Variants in TGM3 observed in about 807,000 individuals in gnomAD.
TGM3 encodes transglutaminase 3, also known as protein-glutamine gamma-glutamyltransferase E.
Under a neutral mutation model 73.8 loss-of-function variants are expected in TGM3, and 52 were observed. The ratio of observed to expected loss-of-function variants is 0.70; its 90% CI spans 0.56 to 0.89. The LOEUF (loss-of-function observed/expected upper bound fraction) is 0.89. Ranked by LOEUF, TGM3 falls within the 40% of genes least tolerant of loss-of-function variation. The pLI, the probability that TGM3 is intolerant of heterozygous loss-of-function variation, is 0.00. For synonymous variants in TGM3, 372 were observed against 354.9 expected (o/e 1.05, Z -0.54); for missense variants, 928 against 909.9 (o/e 1.02, Z -0.26).
In TGM3 at chr20:2,318,521, G is replaced by T. The variant is rs117682013; in HGVS notation, c.983+1036G>T. Among the ~76,000 whole-genome samples, 272 of 152,108 alleles carry T rather than the reference G, an allele frequency of 1.8e-3. 9 individuals carry two copies. In the East Asian group the frequency reaches 0.05, roughly 28 times the overall value. ...ATAGACATTGTTACAACTGTTTAAG[G>T]TTATATCATATACCAAGTTATTACC... On this transcript the variant is annotated intron_variant, in intron 7 of 12. Coordinates refer to ENST00000381458, the MANE Select transcript of TGM3 (RefSeq NM_003245.4).
rs45606631 is a variant in TGM3 at position 2,331,916 on chromosome 20, T to C, written c.1334-86T>C. 4.7e-6 allele frequency: 7 copies of C among 1,485,160 alleles called. No individual in the cohort carries two copies. The South Asian group carries it at 8.0e-5, about 17-fold the overall frequency. The allele number at this position is 1,485,160 out of a possible 1,614,324, so 92.0% of individuals were successfully genotyped here. A position where few individuals can be genotyped will look rare whatever the true frequency, so the allele number is the denominator to read the frequency against. The stretch of plus-strand genomic sequence containing the variant: ...GCAGCAATGGAGCCAGCACCAGTCC[T>C]AGGCCGCCTGTCCAGGCAGGGTACT... On this transcript the variant is annotated intron_variant, in intron 9 of 12. Coordinates refer to ENST00000381458, the MANE Select transcript of TGM3 (RefSeq NM_003245.4).
At chr20:2,316,422 G>A (rs1251122788) in intron 5 of TGM3, among the ~76,000 whole-genome samples, 5 of 81,332 alleles carry the variant, frequency 6.1e-5, no homozygotes, top group East Asian at 6.5e-4. Context: ...AAAGCTAGCC[G>A]GGCATGGTGG....
At chr20:2,340,040 G>GGGGGGGGGGGGT in intron 12 of TGM3, 53 bp downstream of exon 12, 1 of 944,848 alleles carries the variant, frequency 1.1e-6, no homozygotes, top group East Asian at 3.3e-5. Flanking sequence ...GGGCGGGGGG[G>GGGGGGGGGGGGT]CCCTCCAGAT....
chr20:2,322,979 G>T (rs977747161), intron 7 of TGM3, among the ~76,000 whole-genome samples: 1 of 152,192 alleles, frequency 6.6e-6, no homozygotes, highest in Admixed American at 6.5e-5. Context: ...TAGAATTATT[G>T]TAGACTTTCT....
Position 2,328,383 on chromosome 20 carries a change from G to A in TGM3, c.1333+18G>A, listed in dbSNP as rs756853913. 12 of 1,613,340 alleles carry A rather than the reference G, an allele frequency of 7.4e-6. No homozygotes were observed. Among genetic ancestry groups the A allele is most frequent in the African/African-American group, 6.7e-5 (5 of 74,926 alleles). Reference sequence around the variant, plus strand: ...CCCAGAAGGTAGGAGGGACGCTGGCGGGGCAGTGCCGCGAGAGGTTCTATT... The same window carrying A: ...CCCAGAAGGTAGGAGGGACGCTGGCAGGGCAGTGCCGCGAGAGGTTCTATT... On this transcript the variant is annotated intron_variant, in intron 9 of 12. Transcript: ENST00000381458. This position sits in a 1 kb window ranked among gnomAD's most constrained non-coding sequence, Gnocchi z 5.2.
At position 2,330,042 on chromosome 20, in the gene TGM3, G is replaced by A. The variant is rs190157280; in HGVS notation, c.1333+1677G>A. On this transcript the variant is annotated intron_variant, in intron 9 of 12. Transcript: ENST00000381458. ...TAAACAATGGAGAATGGGCAGGTCC[G>A]TTGTGGGGGTGGGGGAGGGGGTCCC... Among the ~76,000 whole-genome samples, 889 of 151,936 alleles carry A rather than the reference G, an allele frequency of 5.9e-3. 2 individuals carry two copies. Among genetic ancestry groups the A allele is most frequent in the Non-Finnish European group, 1.0e-2 (678 of 67,958 alleles).
At chr20:2,320,757 C>T (rs2084258455) in intron 7 of TGM3, among the ~76,000 whole-genome samples, 1 of 152,158 alleles carries the variant, frequency 6.6e-6, no homozygotes. Context: ...TCCTTCGGGT[C>T]CACTGCAAAG....
rs1923101 is a variant in TGM3 at position 2,323,021 on chromosome 20, A to T, written c.984-2828A>T. On this transcript the variant is annotated intron_variant, in intron 7 of 12. Transcript: ENST00000381458. ...TTTTATGTATAATTTTTTAATGAAC[A>T]GCTTTATCATACATCTACATATATA... Among the ~76,000 whole-genome samples the T allele has an allele frequency of 2.6e-5, 4 of 152,194 alleles. No homozygotes were observed. In the South Asian group the frequency reaches 8.3e-4, roughly 31 times the overall value.
intron 7 of TGM3, among the ~76,000 whole-genome samples, chr20:2,321,429 T>C (rs1002583912): frequency 1.3e-5 from 2 of 152,154 alleles, no homozygotes; most frequent in Non-Finnish European, 2.9e-5. Context: ...GCAGAGGTAG[T>C]ATCTGAACAA....
At chr20:2,299,329 C>T (rs1300215110) in intron 1 of TGM3, among the ~76,000 whole-genome samples, 1 of 152,174 alleles carries the variant, frequency 6.6e-6, no homozygotes, top group Non-Finnish European at 1.5e-5. Flanking sequence ...GGACCCTCTC[C>T]ATTAAGCGCC....
At chr20:2,297,010 A>T (rs1165150383) in intron 1 of TGM3, among the ~76,000 whole-genome samples, 3 of 152,244 alleles carry the variant, frequency 2.0e-5, no homozygotes, top group African/African-American at 7.2e-5. Flanking sequence ...GGGACAGGTG[A>T]TTGCACATTA....
chr20:2,305,154 C>T lies in TGM3; in HGVS notation c.8-4503C>T, dbSNP rs45622538. ...GAAGACTTCATTTATAGGCATGATT[C>T]ATTAAGTCATCAGTCATTGGTGATG... is the stretch of plus-strand genomic sequence containing the variant. On this transcript the variant is annotated intron_variant, in intron 1 of 12. Transcript: ENST00000381458. Among the ~76,000 whole-genome samples, 492 of 152,228 alleles carry T rather than the reference C, an allele frequency of 3.2e-3. 3 individuals are homozygous for T. Among genetic ancestry groups the T allele is most frequent in the Admixed American group, 6.7e-3 (102 of 15,288 alleles).
intron 1 of TGM3, among the ~76,000 whole-genome samples, chr20:2,308,072 G>A (rs565181975): frequency 5.9e-5 from 9 of 152,112 alleles, no homozygotes; most frequent in South Asian, 4.1e-4. Flanking sequence ...AAATACAGAA[G>A]TTAGCTGGGA....
intron 4 of TGM3, among the ~76,000 whole-genome samples, chr20:2,311,400 A>C (rs1275397879): frequency 6.6e-6 from 1 of 152,166 alleles, no homozygotes; most frequent in Admixed American, 6.5e-5. Context: ...CAATTGATGC[A>C]ATGAAGTAGT....
chr20:2,325,529 G>T (rs1399887300), intron 7 of TGM3, among the ~76,000 whole-genome samples: 7 of 152,190 alleles, frequency 4.6e-5, no homozygotes, highest in Non-Finnish European at 1.0e-4. Flanking sequence ...CCTTAGAAAG[G>T]TGCATGCTGG....
rs2084142015 is a variant in TGM3, at chr20:2,300,825, C to G, written c.7+4755C>G. Among the ~76,000 whole-genome samples, 3 of 152,298 alleles carry G rather than the reference C, an allele frequency of 2.0e-5. No homozygotes were observed. The South Asian group carries it at 6.2e-4, about 32-fold the overall frequency. ...TTAAAAGCTCAAAGCCTCTTCTGCT[C>G]TTGGGTTGTTTTTGCCATTACATAT... On this transcript the variant is annotated intron_variant, in intron 1 of 12. Transcript: ENST00000381458.
intron 8 of TGM3, among the ~76,000 whole-genome samples, chr20:2,327,269 G>A (rs980884481): frequency 9.2e-5 from 14 of 152,024 alleles, no homozygotes; most frequent in African/African-American, 3.1e-4. Flanking sequence ...AGGAGATCGA[G>A]ACCATCCTGG....
At position 2,328,511 on chromosome 20, in the gene TGM3, A is replaced by T. The variant is rs2084303062; in HGVS notation, c.1333+146A>T. ...ATAGGATTGCTCCCTAGCACCTAAC[A>T]TCCACCTCCCAGGACTGTTTCCGGA... On this transcript the variant is annotated intron_variant, in intron 9 of 12. Coordinates refer to ENST00000381458, the MANE Select transcript of TGM3 (RefSeq NM_003245.4). This position sits in a 1 kb window ranked among gnomAD's most constrained non-coding sequence, Gnocchi z 5.2. 1 of 1,185,956 alleles carries T rather than the reference A, an allele frequency of 8.4e-7. No homozygotes were observed. Among genetic ancestry groups the T allele is most frequent in the Non-Finnish European group, 1.2e-6 (1 of 851,642 alleles). 73.5% of individuals were successfully genotyped at this position (1,185,956 alleles called of 1,614,324 possible).
At position 2,309,790 on chromosome 20, in the gene TGM3, C is replaced by T. The variant is rs748065756; in HGVS notation, c.141C>T (p.Gly47=). ...AGGTCTTAATGATCATGAACAAAGG[C>T]CTTGGCTCTAACGAAAGACTGGAGT... ...NFQVLMIMNK[G]LGSNERLEFI... Residue 47 remains glycine, a synonymous_variant, in exon 2 of 13, where the codon GGC becomes GGT. Transcript: ENST00000381458. 2 of 1,614,198 alleles carry T rather than the reference C, an allele frequency of 1.2e-6. No homozygotes were observed. Among genetic ancestry groups the T allele is most frequent in the East Asian group, 2.2e-5 (1 of 44,880 alleles).
Sources: gnomAD v4.1 joint callset for allele counts (sites outside exome capture counted in the v4.1 genomes callset) on GRCh38, gnomAD v4.1.1 for gene constraint, Gnocchi (gnomAD v3.1) non-coding constraint, MANE v1.5 for transcripts, NCBI Gene and HGNC (gene_info 2026-07-23, HGNC 2026-07-21) for gene names.